RAB27A: variants seen among roughly 807,000 people sequenced by gnomAD.
RAB27A encodes the protein RAB27A, member RAS oncogene family, also known as ras-related protein Rab-27A.
Under a neutral mutation model 20.8 loss-of-function variants are expected in RAB27A, and 17 were observed. The observed-to-expected ratio is 0.82, with a 90% CI of 0.56 to 1.23. The LOEUF (loss-of-function observed/expected upper bound fraction) is 1.23. RAB27A is among the 50% of genes most tolerant of loss of function. The pLI is 0.00. For synonymous variants in RAB27A, 85 were observed against 92.8 expected (o/e 0.92, Z 0.48); for missense variants, 277 against 266.7 (o/e 1.04, Z -0.27).
At chr15:55,274,794 TTATATATATA>T (rs371945954) in intron 1 of RAB27A, among the ~76,000 whole-genome samples, 3,384 of 52,164 alleles carry the variant, frequency 0.065, 328 homozygotes, top group African/African-American at 0.18. Flanking sequence ...AATAAATAAA[TTATATATATA>T]TATATATATA....
At chr15:55,248,719 A>G (rs1258361433) in intron 2 of RAB27A, among the ~76,000 whole-genome samples, 1 of 152,240 alleles carries the variant, frequency 6.6e-6, no homozygotes, top group Non-Finnish European at 1.5e-5. Context: ...ACATTAAACT[A>G]GGCTCAGAAA....
chr15:55,254,966 A>C, intron 2 of RAB27A, among the ~76,000 whole-genome samples: 1 of 152,244 alleles, frequency 6.6e-6, no homozygotes, highest in South Asian at 2.1e-4. Context: ...TATGAAGAAA[A>C]TGCACAAAAA....
At chr15:55,265,244 A>AG in intron 2 of RAB27A, among the ~76,000 whole-genome samples, 1 of 149,874 alleles carries the variant, frequency 6.7e-6, no homozygotes. Context: ...TCTGTCTCAA[A>AG]GAAAAAAAGA....
chr15:55,276,770 T>C (rs1897885525), intron 1 of RAB27A, among the ~76,000 whole-genome samples: 1 of 152,198 alleles, frequency 6.6e-6, no homozygotes, highest in Admixed American at 6.5e-5. Flanking sequence ...CTGTATTATA[T>C]ACTGAAAATC....
At chr15:55,274,804 A>ATATATATATATATATG (rs1897811860) in intron 1 of RAB27A, among the ~76,000 whole-genome samples, 1 of 124,036 alleles carries the variant, frequency 8.1e-6, no homozygotes, top group Non-Finnish European at 1.7e-5. Context: ...TTATATATAT[A>ATATATATATATATATG]TATATATATA....
In RAB27A at chr15:55,234,888, C is replaced by T; in HGVS notation, c.47G>A (p.Gly16Glu). The change falls in exon 3 of 7, where the codon GGA (glycine) becomes GAA (glutamate). Residue 16 changes from glycine (G) to glutamate (E), a missense_variant. Gly to Glu is a moderately conservative substitution (Grantham distance 98). Transcript: ENST00000336787. Reference protein sequence around the residue: ...YDYLIKFLALGDSGVGKTSVL... With the variant: ...YDYLIKFLALEDSGVGKTSVL... ...ACTGGTCTTCCCTACACCAGAGTCTCCCAAAGCTAAAAACTTGATGAGGTA... is the reference window on the plus strand; with the variant it reads ...ACTGGTCTTCCCTACACCAGAGTCTTCCAAAGCTAAAAACTTGATGAGGTA... 1 of 1,612,700 alleles carries T rather than the reference C, an allele frequency of 6.2e-7. No homozygotes were observed. The highest frequency in any genetic ancestry group is 8.5e-7 in the Non-Finnish European group (1 of 1,179,150).
intron 2 of RAB27A, among the ~76,000 whole-genome samples, chr15:55,309,848 G>A (rs1465344217): frequency 2.0e-5 from 3 of 152,054 alleles, no homozygotes; most frequent in African/African-American, 7.3e-5. Context: ...GCTACTGCAC[G>A]GTTTTACTAG....
chr15:55,278,896 G>C (rs1897944824), intron 1 of RAB27A, among the ~76,000 whole-genome samples: 1 of 152,100 alleles, frequency 6.6e-6, no homozygotes, highest in African/African-American at 2.4e-5. Flanking sequence ...TTCTATCCCT[G>C]AAAAATAAGG....
intron 1 of RAB27A, among the ~76,000 whole-genome samples, chr15:55,275,524 G>A (rs1195720877): frequency 6.6e-6 from 1 of 152,006 alleles, no homozygotes; most frequent in Non-Finnish European, 1.5e-5. Context: ...CTACTCGGGA[G>A]GCTGAGGCAC....
At chr15:55,264,342 C>G (rs1566928059) in intron 2 of RAB27A, among the ~76,000 whole-genome samples, 2 of 152,220 alleles carry the variant, frequency 1.3e-5, no homozygotes, top group East Asian at 3.8e-4. Context: ...GTGTGAGCCA[C>G]TGTGCCCAGC....
chr15:55,204,059 T>TCTACCAAACATTTGCCACCACAAA lies in RAB27A; in HGVS notation c.*1424_*1447dup, dbSNP rs1238065880. ...ATACTTGTATTTTTCTAATTACAGT[T>TCTACCAAACATTTGCCACCACAAA]CTACCAAACATTTGCCACCACAAAA... On this transcript the variant is annotated 3_prime_UTR_variant, in exon 7 of 7. Coordinates refer to ENST00000336787, the MANE Select transcript of RAB27A (RefSeq NM_183235.3). 15 of 152,204 alleles carry TCTACCAAACATTTGCCACCACAAA rather than the reference T, an allele frequency of 9.9e-5. No individual in the cohort carries two copies. Among genetic ancestry groups the TCTACCAAACATTTGCCACCACAAA allele is most frequent in the Non-Finnish European group, 2.1e-4 (14 of 68,024 alleles). The allele number at this position is 152,204 out of a possible 1,614,324, so 9.4% of individuals were successfully genotyped here.
chr15:55,278,311 A>G (rs1897926982), intron 1 of RAB27A, among the ~76,000 whole-genome samples: 1 of 152,146 alleles, frequency 6.6e-6, no homozygotes, highest in Non-Finnish European at 1.5e-5. Flanking sequence ...ACTCTTTTAC[A>G]CTATGGGAGC....
At chr15:55,220,956 T>C (rs1895542140) in intron 6 of RAB27A, among the ~76,000 whole-genome samples, 1 of 152,242 alleles carries the variant, frequency 6.6e-6, no homozygotes, top group Non-Finnish European at 1.5e-5. Flanking sequence ...TCAATCATTA[T>C]CTGCTAAATC....
chr15:55,232,169 AG>A (rs1896054112), intron 3 of RAB27A, among the ~76,000 whole-genome samples: 1 of 152,206 alleles, frequency 6.6e-6, no homozygotes, highest in Non-Finnish European at 1.5e-5. Flanking sequence ...TCTCAGAAAA[AG>A]CTAAGAGACT....
Position 55,302,905 on chromosome 15 carries a change from C to T in RAB27A, c.-112+11134G>A, listed in dbSNP as rs2054979219. On this transcript the variant is annotated intron_variant, in intron 2 of 5. Transcript: ENST00000563262. Reference sequence around the variant, plus strand: ...GCTGCCCCGTCTGAGAAGTGAGGAGCCTCTCCGCCCGGCAGCCACCCCATC... The same window carrying T: ...GCTGCCCCGTCTGAGAAGTGAGGAGTCTCTCCGCCCGGCAGCCACCCCATC... 2.9e-5 allele frequency among the ~76,000 whole-genome samples: 4 copies of T among 138,542 alleles called. No homozygotes were observed. In the South Asian group the frequency reaches 9.6e-4, roughly 33 times the overall value. The allele number at this position is 138,542 out of a possible 152,430, so 90.9% of individuals were successfully genotyped here. A position where few individuals can be genotyped will look rare whatever the true frequency, so the allele number is the denominator to read the frequency against.
rs547667712 is a variant in RAB27A at position 55,256,683 on chromosome 15, T to C, written c.-23+13482A>G. Among the ~76,000 whole-genome samples, 29 of 152,312 alleles carry C rather than the reference T, an allele frequency of 1.9e-4. No homozygotes were observed. In the South Asian group the frequency reaches 3.7e-3, roughly 20 times the overall value. On this transcript the variant is annotated intron_variant, in intron 2 of 6. Transcript: ENST00000336787. ...ACTCAAAGGAATGCTTATGAGGTAA[T>C]GTGACAAATTGAGGAGAGCAGGACG...
intron 2 of RAB27A, 61 bp from the exon 3 acceptor site, chr15:55,235,017 T>A (rs1461772424): frequency 1.5e-6 from 2 of 1,333,816 alleles, no homozygotes; most frequent in Non-Finnish European, 1.0e-6. Context: ...ATTATCCATT[T>A]AAAAAGTGAC....
At chr15:55,230,261 A>G in intron 4 of RAB27A, 140 bp downstream of exon 4, 1 of 791,278 alleles carries the variant, frequency 1.3e-6, no homozygotes, top group Non-Finnish European at 2.2e-6. Context: ...CTCAGACTTG[A>G]CAAATTTCCT....
At chr15:55,306,049 AAAC>A (rs1418668477) in intron 2 of RAB27A, among the ~76,000 whole-genome samples, 2 of 152,340 alleles carry the variant, frequency 1.3e-5, no homozygotes, top group African/African-American at 2.4e-5. Flanking sequence ...AGAGCCATTC[AAAC>A]AACAATAGGC....
Sources: gnomAD v4.1 joint callset for allele counts (sites outside exome capture counted in the v4.1 genomes callset) on GRCh38, gnomAD v4.1.1 for gene constraint, MANE v1.5 for transcripts, NCBI Gene and HGNC (gene_info 2026-07-23, HGNC 2026-07-21) for gene names.